Variants in AMPH observed in about 807,000 individuals in gnomAD.
AMPH encodes the protein amphiphysin.
In AMPH, 49 loss-of-function variants were observed where a neutral mutation model predicts 99.1. That is an observed-to-expected ratio of 0.49 (90% CI 0.39 to 0.63). The LOEUF is 0.63. AMPH is among the 20% of genes least tolerant of loss of function. The probability of loss-of-function intolerance (pLI) is 0.00; values close to 1 mark genes in which losing one functional copy is unlikely to be tolerated. For missense variants in AMPH, 759 were observed against 863.4 expected (o/e 0.88, Z 1.52); for synonymous variants, 314 against 317.3 (o/e 0.99, Z 0.11).
At chr7:38,429,920 C>A in intron 13 of AMPH, 55 bp from the exon 14 acceptor site, 1 of 1,514,248 alleles carries the variant, frequency 6.6e-7, no homozygotes, top group South Asian at 1.2e-5. Flanking sequence ...TTCACTAACA[C>A]AATAAAATCC....
intron 1 of AMPH, among the ~76,000 whole-genome samples, chr7:38,622,519 A>G (rs1794108920): frequency 6.6e-6 from 1 of 152,004 alleles, no homozygotes; most frequent in African/African-American, 2.4e-5. Context: ...ATGGCCCAAA[A>G]GATAGTCAAC....
intron 2 of AMPH, among the ~76,000 whole-genome samples, chr7:38,532,948 G>T (rs3807394): frequency 0.26 from 39,645 of 152,002 alleles, 6,103 homozygotes; most frequent in East Asian, 0.56. Context: ...ACAAGGTTTC[G>T]AAGGGTACAG....
At chr7:38,618,516 A>AT (rs1400529900) in intron 1 of AMPH, among the ~76,000 whole-genome samples, 1 of 152,178 alleles carries the variant, frequency 6.6e-6, no homozygotes, top group African/African-American at 2.4e-5. Flanking sequence ...TGTCTCAAAA[A>AT]AAAAGAGTTG....
chr7:38,535,135 T>A, intron 1 of AMPH, 124 bp from the exon 2 acceptor site: 1 of 754,844 alleles, frequency 1.3e-6, no homozygotes, highest in Non-Finnish European at 2.2e-6. Flanking sequence ...TATCAGCACT[T>A]CTAATTTTTC....
intron 5 of AMPH, among the ~76,000 whole-genome samples, chr7:38,484,341 G>A (rs1472064717): frequency 6.6e-6 from 1 of 152,056 alleles, no homozygotes; most frequent in Non-Finnish European, 1.5e-5. Flanking sequence ...AGACAAATAT[G>A]GAATTTCAAA....
chr7:38,423,114 T>C (rs978505738), intron 15 of AMPH, among the ~76,000 whole-genome samples: 3 of 152,370 alleles, frequency 2.0e-5, no homozygotes, highest in African/African-American at 7.2e-5. Context: ...TGGCCGTTGA[T>C]ATCAAATCAG....
chr7:38,618,985 C>T (rs1584313042), intron 1 of AMPH, among the ~76,000 whole-genome samples: 1 of 152,138 alleles, frequency 6.6e-6, no homozygotes, highest in East Asian at 1.9e-4. Context: ...TGAGAGACAA[C>T]ATTTAGATTC....
intron 11 of AMPH, among the ~76,000 whole-genome samples, chr7:38,454,940 C>T (rs76750235): frequency 0.027 from 4,088 of 151,638 alleles, 71 homozygotes; most frequent in South Asian, 0.077. Flanking sequence ...GTAGAAAGGT[C>T]AGAAATACAT....
chr7:38,392,960 AC>A (rs1784556283), intron 18 of AMPH, among the ~76,000 whole-genome samples: 1 of 152,172 alleles, frequency 6.6e-6, no homozygotes, highest in Non-Finnish European at 1.5e-5. Context: ...GATTAGGACC[AC>A]CCTTTCATTT....
In AMPH at chr7:38,571,277, A is replaced by T. The variant is rs1404723682; in HGVS notation, c.70-36266T>A. On this transcript the variant is annotated intron_variant, in intron 1 of 20. Transcript: ENST00000356264. Reference sequence around the variant, plus strand: ...ATATTAAATATATATTTATATATATATTTTTATATATATTTATATATGAAT... The same window carrying T: ...ATATTAAATATATATTTATATATATTTTTTTATATATATTTATATATGAAT... Among the ~76,000 whole-genome samples the T allele has an allele frequency of 2.1e-3, 111 of 54,146 alleles. 1 individual carries two copies. The highest frequency in any genetic ancestry group is 7.5e-3 in the African/African-American group (101 of 13,486). The allele number at this position is 54,146 out of a possible 152,430, so 35.5% of individuals were successfully genotyped here.
intron 1 of AMPH, among the ~76,000 whole-genome samples, chr7:38,605,867 C>A (rs1051048840): frequency 2.6e-5 from 4 of 152,192 alleles, no homozygotes; most frequent in Non-Finnish European, 5.9e-5. Flanking sequence ...TGAGCCACCG[C>A]ACCTGGCCTT....
At chr7:38,498,136 TCCAGTTGCC>T (rs1788999074) in intron 3 of AMPH, among the ~76,000 whole-genome samples, 2 of 152,216 alleles carry the variant, frequency 1.3e-5, no homozygotes, top group Admixed American at 6.5e-5. Context: ...ATGAATGCCA[TCCAGTTGCC>T]CCAGTTCAAA....
At chr7:38,390,931 C>T (rs1784467415) in intron 19 of AMPH, among the ~76,000 whole-genome samples, 1 of 145,380 alleles carries the variant, frequency 6.9e-6, no homozygotes, top group Non-Finnish European at 1.5e-5. Flanking sequence ...AGCAAGGTAG[C>T]AGTTACTTTC....
chr7:38,526,685 T>C (rs1466369623), intron 2 of AMPH, among the ~76,000 whole-genome samples: 1 of 152,124 alleles, frequency 6.6e-6, no homozygotes, highest in Non-Finnish European at 1.5e-5. Flanking sequence ...CTTGGATATG[T>C]AGTTTGCAAA....
intron 1 of AMPH, among the ~76,000 whole-genome samples, chr7:38,614,237 T>G (rs1486752520): frequency 6.6e-6 from 1 of 152,152 alleles, no homozygotes; most frequent in Non-Finnish European, 1.5e-5. Flanking sequence ...TATTACTAAA[T>G]GAAAAGGGAG....
At chr7:38,503,542 T>C in intron 3 of AMPH, 108 bp downstream of exon 3, 2 of 1,040,060 alleles carry the variant, frequency 1.9e-6, no homozygotes, top group Non-Finnish European at 2.9e-6. Flanking sequence ...AGCATCCATC[T>C]TGCCAGGAAG....
chr7:38,393,616 A>T (rs1313488706), intron 18 of AMPH, among the ~76,000 whole-genome samples: 1 of 149,824 alleles, frequency 6.7e-6, no homozygotes, highest in Non-Finnish European at 1.5e-5. Context: ...CCAAACAGTA[A>T]TAAGAATAAT....
At chr7:38,456,159 G>A (rs552832179) in intron 11 of AMPH, among the ~76,000 whole-genome samples, 1 of 152,276 alleles carries the variant, frequency 6.6e-6, no homozygotes, top group South Asian at 2.1e-4. Context: ...GGGAAGCCAG[G>A]CACTTGCAGA....
intron 1 of AMPH, among the ~76,000 whole-genome samples, chr7:38,602,537 G>A (rs765544009): frequency 9.2e-5 from 14 of 152,088 alleles, no homozygotes; most frequent in Non-Finnish European, 1.6e-4. Context: ...CTTCATGGTC[G>A]CATCTCCTTC....
Sources: allele counts gnomAD v4.1 joint callset (sites outside exome capture counted in the v4.1 genomes callset), GRCh38; gene constraint gnomAD v4.1.1; transcripts MANE v1.5; gene names NCBI Gene and HGNC (gene_info 2026-07-23, HGNC 2026-07-21).